The following SMG6 variants were observed in gnomAD, a reference collection of about 807,000 sequenced individuals.
SMG6 encodes the protein telomerase-binding protein EST1A.
A neutral mutation model predicts 142.2 loss-of-function variants in SMG6; 66 were observed. The ratio of observed to expected loss-of-function variants is 0.46; its 90% CI spans 0.38 to 0.57. The LOEUF is 0.57. Among genes scored for constraint, SMG6 ranks in the 20% least tolerant of loss-of-function variants. SMG6 has a pLI of 0.00. For missense variants in SMG6, 1,793 were observed against 1,832.0 expected, an observed-to-expected ratio of 0.98 and a Z score of 0.39; for synonymous variants, 779 against 702.4, an observed-to-expected ratio of 1.11 and a Z score of -1.72.
intron 13 of SMG6, among the ~76,000 whole-genome samples, chr17:2,164,294 G>A (rs1312449570): frequency 1.3e-5 from 2 of 151,350 alleles, no homozygotes; most frequent in African/African-American, 4.9e-5. Context: ...ATGGTGGCAG[G>A]TGCTTGTAGT....
chr17:2,291,909 T>C (rs2075047496), intron 6 of SMG6, among the ~76,000 whole-genome samples: 1 of 151,526 alleles, frequency 6.6e-6, no homozygotes, highest in Non-Finnish European at 1.5e-5. Flanking sequence ...GAGCATCTTA[T>C]TTGTTTCTTA....
chr17:2,131,679 C>T (rs2070126812), intron 13 of SMG6, among the ~76,000 whole-genome samples: 1 of 152,100 alleles, frequency 6.6e-6, no homozygotes, highest in African/African-American at 2.4e-5. Context: ...AAAGAAAATG[C>T]TGTAAATTAA....
rs1286113218 is a variant in SMG6, at chr17:2,172,746, A to G, written c.3269T>C (p.Ile1090Thr). The G allele has an allele frequency of 6.2e-7, 1 of 1,614,134 alleles. No individual in the cohort carries two copies. Among genetic ancestry groups the G allele is most frequent in the East Asian group, 2.2e-5 (1 of 44,884 alleles). The change falls in exon 13 of 19, where the codon ATC becomes ACC. Residue 1090 changes from isoleucine to threonine, a missense_variant. Around this residue, in one of 3 missense-constraint regions of SMG6, gnomAD observed 1,597 missense variants for 1,584.6 expected, o/e 1.01. Coordinates refer to ENST00000263073, the MANE Select transcript of SMG6 (RefSeq NM_017575.5). Reference sequence around the variant, plus strand: ...CGAGAGAAGCCGATCCTCTTCCAGGATAAGAAGGGTGAGGTCATCATCCGG... The same window carrying G: ...CGAGAGAAGCCGATCCTCTTCCAGGGTAAGAAGGGTGAGGTCATCATCCGG... Reference protein sequence around the residue: ...KDPDDDLTLLILEEDRLLSGF... With the variant: ...KDPDDDLTLLTLEEDRLLSGF...
At chr17:2,076,458 T>A (rs1383946145) in intron 15 of SMG6, among the ~76,000 whole-genome samples, 1 of 151,708 alleles carries the variant, frequency 6.6e-6, no homozygotes, top group East Asian at 1.9e-4. Context: ...AGAGGAAAAA[T>A]GAGAAAAGGT....
intron 13 of SMG6, among the ~76,000 whole-genome samples, chr17:2,149,240 C>G (rs1222032333): frequency 6.7e-6 from 1 of 150,338 alleles, no homozygotes; most frequent in Admixed American, 6.7e-5. Context: ...ATCCCAGCTA[C>G]TCGGGAGGCT....
At chr17:2,179,372 T>C (rs1353145832) in intron 12 of SMG6, among the ~76,000 whole-genome samples, 1 of 152,130 alleles carries the variant, frequency 6.6e-6, no homozygotes, top group Non-Finnish European at 1.5e-5. Flanking sequence ...AGTGAACTAG[T>C]TGTTTTTTAA....
At chr17:2,229,113 GCCAAGAGAAAGAGTAAACACTTCTA>G (rs2073398794) in intron 10 of SMG6, among the ~76,000 whole-genome samples, 1 of 152,084 alleles carries the variant, frequency 6.6e-6, no homozygotes, top group African/African-American at 2.4e-5. Flanking sequence ...TGTATCCTAA[GCCAAGAGAAAGAGTAAACACTTCTA>G]CCAACTAGTC....
chr17:2,152,571 C>A (rs1426613056), intron 13 of SMG6, among the ~76,000 whole-genome samples: 1 of 152,166 alleles, frequency 6.6e-6, no homozygotes, highest in African/African-American at 2.4e-5. Context: ...AGAAGATACA[C>A]AGATGACAAA....
chr17:2,127,118 AAC>A (rs372980692), intron 13 of SMG6, among the ~76,000 whole-genome samples: 239 of 149,884 alleles, frequency 1.6e-3, no homozygotes, highest in African/African-American at 5.8e-3. Context: ...CAGCCTGGGC[AAC>A]ACAGAGAGAC....
At chr17:2,110,536 C>T (rs570965802) in intron 13 of SMG6, among the ~76,000 whole-genome samples, 1 of 152,084 alleles carries the variant, frequency 6.6e-6, no homozygotes, top group Admixed American at 6.6e-5. Flanking sequence ...ACATTTCATG[C>T]CAAATACTAA....
At chr17:2,201,385 C>A (rs1329740056) in intron 10 of SMG6, among the ~76,000 whole-genome samples, 6 of 152,150 alleles carry the variant, frequency 3.9e-5, no homozygotes, top group African/African-American at 1.4e-4. Flanking sequence ...GAAATTCTCA[C>A]ACACTGCTTT....
At chr17:2,182,304 G>A (rs7214741) in intron 12 of SMG6, among the ~76,000 whole-genome samples, 54,166 of 151,998 alleles carry the variant, frequency 0.36, 10,356 homozygotes, top group African/African-American at 0.5. Flanking sequence ...CAGCAGATCC[G>A]TCAGTTCCTT....
At chr17:2,293,101 A>T in intron 4 of SMG6, 124 bp from the exon 5 acceptor site, 1 of 697,296 alleles carries the variant, frequency 1.4e-6, no homozygotes, top group South Asian at 1.7e-5. Flanking sequence ...TCAACAAAGT[A>T]TAAAGTTTTT....
intron 10 of SMG6, among the ~76,000 whole-genome samples, chr17:2,191,057 G>A (rs1185776885): frequency 6.6e-6 from 1 of 152,168 alleles, no homozygotes; most frequent in Non-Finnish European, 1.5e-5. Flanking sequence ...GAATGTTCCA[G>A]ACTCTGTACT....
chr17:2,068,982 G>A lies in SMG6; in HGVS notation c.3682-51C>T. 6.3e-7 allele frequency: 1 copy of A among 1,586,988 alleles called. No individual in the cohort carries two copies. Among genetic ancestry groups the A allele is most frequent in the Non-Finnish European group, 8.6e-7 (1 of 1,160,648 alleles). On this transcript the variant is annotated intron_variant, in intron 15 of 18. Transcript: ENST00000263073. This position sits in a 1 kb window ranked among gnomAD's most constrained non-coding sequence, Gnocchi z 6.7. ...CCAGACAGCGAGCAGGCAAGCAGGT[G>A]GGTGAGCCAGGGCCCTGACACTACG...
At chr17:2,238,934 G>C (rs1329844203) in intron 9 of SMG6, among the ~76,000 whole-genome samples, 1 of 149,648 alleles carries the variant, frequency 6.7e-6, no homozygotes, top group East Asian at 1.9e-4. Context: ...TGAGATGTGA[G>C]AGAAGGTGGA....
At chr17:2,258,620 T>C (rs563347496) in intron 8 of SMG6, among the ~76,000 whole-genome samples, 11 of 132,994 alleles carry the variant, frequency 8.3e-5, no homozygotes, top group Admixed American at 5.2e-4. Context: ...CTGGGCAACA[T>C]AGAGAGACCT....
At chr17:2,130,736 AT>A (rs1455275482) in intron 13 of SMG6, among the ~76,000 whole-genome samples, 1 of 151,136 alleles carries the variant, frequency 6.6e-6, no homozygotes, top group Non-Finnish European at 1.5e-5. Context: ...TAACCTAACA[AT>A]CAAGTGGTTT....
chr17:2,257,992 A>C (rs1227465670), intron 8 of SMG6, among the ~76,000 whole-genome samples: 1 of 143,120 alleles, frequency 7.0e-6, no homozygotes, highest in African/African-American at 2.6e-5. Flanking sequence ...CTGGGCGACA[A>C]AGCGAGACTC....
Sources: allele counts gnomAD v4.1 joint callset (sites outside exome capture counted in the v4.1 genomes callset), GRCh38; gene constraint gnomAD v4.1.1; regional missense constraint gnomAD v4.1.1; non-coding constraint Gnocchi (gnomAD v3.1); transcripts MANE v1.5; gene names NCBI Gene and HGNC (gene_info 2026-07-23, HGNC 2026-07-21).